The following UBXN4 variants were observed in gnomAD, a reference collection of about 807,000 sequenced individuals.
UBXN4 encodes UBX domain-containing protein 4.
A neutral mutation model predicts 66.2 loss-of-function variants in UBXN4; 35 were observed. That is an observed-to-expected ratio of 0.53 (90% CI 0.40 to 0.70). The LOEUF (loss-of-function observed/expected upper bound fraction) is 0.70, where lower values mean the gene tolerates loss of function less well. UBXN4 is among the 30% of genes least tolerant of loss of function. The probability of loss-of-function intolerance (pLI) is 0.00; values close to 1 mark genes in which losing one functional copy is unlikely to be tolerated. For synonymous variants in UBXN4, 203 were observed against 204.5 expected (o/e 0.99, Z 0.06); for missense variants, 533 against 599.8 (o/e 0.89, Z 1.16).
chr2:135,772,327 T>TAAA, intron 8 of UBXN4, 93 bp from the exon 9 acceptor site: 7 of 1,120,114 alleles, frequency 6.2e-6, no homozygotes, highest in East Asian at 5.9e-5. Flanking sequence ...TGTCTCTTAA[T>TAAA]AAAAAAAAAA....
chr2:135,765,140 A>G (rs9287442), intron 6 of UBXN4, among the ~76,000 whole-genome samples: 90,546 of 152,066 alleles, frequency 0.6, 29,515 homozygotes, highest in Non-Finnish European at 0.76. Flanking sequence ...CACTAAAGTA[A>G]CAGATGTGAA....
chr2:135,743,480 A>T (rs1227461375), intron 1 of UBXN4, among the ~76,000 whole-genome samples: 1 of 152,194 alleles, frequency 6.6e-6, no homozygotes, highest in Non-Finnish European at 1.5e-5. Flanking sequence ...AACAGGTTTA[A>T]TTATCCCCAT....
intron 1 of UBXN4, among the ~76,000 whole-genome samples, chr2:135,744,082 A>C (rs989471824): frequency 4.6e-5 from 7 of 152,238 alleles, no homozygotes; most frequent in African/African-American, 1.7e-4. Context: ...CTCTAGGAGT[A>C]TGTAGATACT....
chr2:135,760,995 CTCAGT>C (rs746178254), intron 5 of UBXN4, among the ~76,000 whole-genome samples: 15 of 152,180 alleles, frequency 9.9e-5, no homozygotes, highest in Non-Finnish European at 1.8e-4. Context: ...ATGTGCCAGT[CTCAGT>C]TAAGTTCTAA....
At chr2:135,743,868 T>C (rs1279808914) in intron 1 of UBXN4, among the ~76,000 whole-genome samples, 1 of 151,928 alleles carries the variant, frequency 6.6e-6, no homozygotes, top group Non-Finnish European at 1.5e-5. Context: ...TTTGTGTATA[T>C]ATATATACTT....
intron 5 of UBXN4, among the ~76,000 whole-genome samples, chr2:135,760,988 T>TG (rs1423376798): frequency 1.3e-5 from 2 of 152,352 alleles, no homozygotes; most frequent in East Asian, 3.9e-4. Context: ...GCTTACCATG[T>TG]GCCAGTCTCA....
rs199741723 is a variant in UBXN4 at position 135,778,940 on chromosome 2, T to C, written c.1054-8T>C. 1.1e-4 allele frequency: 168 copies of C among 1,598,884 alleles called. No homozygotes were observed. Among genetic ancestry groups the C allele is most frequent in the Non-Finnish European group, 1.4e-4 (159 of 1,173,992 alleles). On this transcript the variant is annotated splice_region_variant and splice_polypyrimidine_tract_variant and intron_variant, in intron 10 of 12. Coordinates refer to ENST00000272638, the MANE Select transcript of UBXN4 (RefSeq NM_014607.4). ...GCACTCTTTAAGTTTTTAAAACTTA[T>C]TTTACAGACTGTTGGCAACACTTAC...
chr2:135,744,206 T>A (rs1448022022), intron 1 of UBXN4, among the ~76,000 whole-genome samples: 1 of 152,224 alleles, frequency 6.6e-6, no homozygotes, highest in African/African-American at 2.4e-5. Flanking sequence ...ACCAACTTAA[T>A]GGAAAATTTG....
intron 6 of UBXN4, among the ~76,000 whole-genome samples, chr2:135,769,153 C>T (rs1254921862): frequency 6.6e-6 from 1 of 152,186 alleles, no homozygotes; most frequent in Non-Finnish European, 1.5e-5. Flanking sequence ...AGGCACACGC[C>T]ACCATGCCTG....
chr2:135,754,328 A>ATTT (rs76768246), intron 4 of UBXN4, 51 bp downstream of exon 4: 12 of 1,236,188 alleles, frequency 9.7e-6, no homozygotes, highest in Middle Eastern at 2.0e-4. Flanking sequence ...CAGGAATTGG[A>ATTT]TTTTTTTTTT....
At chr2:135,772,845 T>G (rs1343035221) in intron 9 of UBXN4, among the ~76,000 whole-genome samples, 2 of 151,970 alleles carry the variant, frequency 1.3e-5, no homozygotes, top group East Asian at 3.9e-4. Flanking sequence ...GAGACCATCC[T>G]GGCTAACATG....
chr2:135,753,508 T>C (rs1202413812), intron 2 of UBXN4, 31 bp from the exon 3 acceptor site: 1 of 1,515,758 alleles, frequency 6.6e-7, no homozygotes, highest in East Asian at 2.5e-5. Context: ...CTTGCATTCA[T>C]CTAGTGATTT....
chr2:135,757,240 TCACTGA>T (rs1433817255), intron 5 of UBXN4, among the ~76,000 whole-genome samples: 12 of 152,218 alleles, frequency 7.9e-5, no homozygotes, highest in African/African-American at 2.9e-4. Flanking sequence ...ATCTGCAAGT[TCACTGA>T]CTCTTTATCA....
chr2:135,754,332 T>TG lies in UBXN4; in HGVS notation c.333+55_333+56insG. The TG allele has an allele frequency of 2.8e-6, 4 of 1,447,658 alleles. No individual in the cohort carries two copies. In the South Asian group the frequency reaches 4.7e-5, roughly 17 times the overall value. The allele number at this position is 1,447,658 out of a possible 1,614,324, so 89.7% of individuals were successfully genotyped here. A position where few individuals can be genotyped will look rare whatever the true frequency, so the allele number is the denominator to read the frequency against. On this transcript the variant is annotated intron_variant, in intron 4 of 12. Transcript: ENST00000272638. Reference sequence around the variant, plus strand: ...AAATGGTACGTCAGGAATTGGATTTTTTTTTTTGAGATGGAGTCTCGTTCT... The same window carrying TG: ...AAATGGTACGTCAGGAATTGGATTTTGTTTTTTTGAGATGGAGTCTCGTTCT...
intron 6 of UBXN4, among the ~76,000 whole-genome samples, chr2:135,765,142 A>G (rs1011001856): frequency 2.6e-5 from 4 of 152,100 alleles, no homozygotes; most frequent in African/African-American, 9.7e-5. Context: ...CTAAAGTAAC[A>G]GATGTGAAAT....
intron 11 of UBXN4, 38 bp downstream of exon 11, chr2:135,779,117 GT>G (rs745324283): frequency 2.6e-6 from 4 of 1,537,852 alleles, no homozygotes; most frequent in Non-Finnish European, 3.5e-6. Flanking sequence ...TCTTCTTATT[GT>G]TTTCTGTTTA....
intron 6 of UBXN4, among the ~76,000 whole-genome samples, chr2:135,766,873 G>A (rs770316030): frequency 8.5e-5 from 13 of 152,130 alleles, no homozygotes; most frequent in Admixed American, 7.2e-4. Context: ...GATTTTTGCT[G>A]TAATCACCTA....
intron 9 of UBXN4, among the ~76,000 whole-genome samples, chr2:135,773,302 G>A (rs2077394764): frequency 6.6e-6 from 1 of 152,062 alleles, no homozygotes; most frequent in South Asian, 2.1e-4. Flanking sequence ...TTTAATTCTT[G>A]GTTTCTTCTG....
intron 9 of UBXN4, among the ~76,000 whole-genome samples, chr2:135,774,696 TTAAC>T (rs1436026324): frequency 1.3e-5 from 2 of 151,842 alleles, no homozygotes; most frequent in Non-Finnish European, 2.9e-5. Flanking sequence ...AATACAAAAA[TTAAC>T]TAGGCATGGT....
Sources: gnomAD v4.1 joint callset for allele counts (sites outside exome capture counted in the v4.1 genomes callset) on GRCh38, gnomAD v4.1.1 for gene constraint, MANE v1.5 for transcripts, NCBI Gene and HGNC (gene_info 2026-07-23, HGNC 2026-07-21) for gene names.